Variants in PRKN observed in about 807,000 individuals in gnomAD.
The protein encoded by PRKN is parkin RBR E3 ubiquitin protein ligase, also known as E3 ubiquitin-protein ligase parkin.
Under a neutral mutation model 59.5 loss-of-function variants are expected in PRKN, and 56 were observed. That is an observed-to-expected ratio of 0.94 (90% CI 0.76 to 1.18). The LOEUF is 1.18. PRKN is among the 50% of genes most tolerant of loss of function. The probability of loss-of-function intolerance (pLI) is 0.00; values close to 1 mark genes in which losing one functional copy is unlikely to be tolerated. For missense variants in PRKN, 657 were observed against 596.4 expected, an observed-to-expected ratio of 1.10 and a Z score of -1.06; for synonymous variants, 250 against 222.1, an observed-to-expected ratio of 1.13 and a Z score of -1.12.
chr6:162,292,555 T>C (rs148189173), intron 2 of PRKN, among the ~76,000 whole-genome samples: 250 of 152,164 alleles, frequency 1.6e-3, no homozygotes, highest in African/African-American at 5.7e-3. Flanking sequence ...GCAGCCACAA[T>C]GGTCCAGGAT....
intron 10 of PRKN, among the ~76,000 whole-genome samples, chr6:161,367,495 G>A (rs2114882421): frequency 6.7e-6 from 1 of 150,328 alleles, no homozygotes; most frequent in Non-Finnish European, 1.5e-5. Context: ...CTGGTAGACA[G>A]TATGTGCTCA....
chr6:162,399,472 T>C (rs902899916), intron 2 of PRKN, among the ~76,000 whole-genome samples: 5 of 152,042 alleles, frequency 3.3e-5, no homozygotes, highest in Admixed American at 6.6e-5. Flanking sequence ...CCCCACCACA[T>C]ACAGGACACC....
intron 6 of PRKN, among the ~76,000 whole-genome samples, chr6:161,962,444 G>T (rs746405487): frequency 2.6e-5 from 4 of 151,778 alleles, no homozygotes; most frequent in African/African-American, 9.7e-5. Context: ...AAACACTGTG[G>T]GTATTTCTTT....
At chr6:162,340,092 C>T (rs1428131387) in intron 2 of PRKN, among the ~76,000 whole-genome samples, 1 of 147,272 alleles carries the variant, frequency 6.8e-6, no homozygotes, top group African/African-American at 2.5e-5. Flanking sequence ...TCCCATGACC[C>T]TGCCAAATCC....
At chr6:162,558,702 G>A (rs1583801626) in intron 1 of PRKN, among the ~76,000 whole-genome samples, 3 of 151,228 alleles carry the variant, frequency 2.0e-5, no homozygotes, top group Non-Finnish European at 2.9e-5. Flanking sequence ...GCAGTGGAGT[G>A]ATCTTAGCCC....
intron 7 of PRKN, among the ~76,000 whole-genome samples, chr6:161,580,772 C>A (rs556456140): frequency 1.3e-4 from 19 of 151,946 alleles, no homozygotes; most frequent in Non-Finnish European, 1.5e-5. Context: ...GCCACCGCAC[C>A]CAGCCCAAAA....
Position 161,410,811 on chromosome 6 carries a change from C to A in PRKN, c.1084-23934G>T, listed in dbSNP as rs553938453. On this transcript the variant is annotated intron_variant, in intron 9 of 11. Coordinates refer to ENST00000366898, the MANE Select transcript of PRKN (RefSeq NM_004562.3). This position sits in a 1 kb window ranked among gnomAD's most constrained non-coding sequence, Gnocchi z 5.3. ...TGATGGCAGCAGCCTCAGGTATGGG[C>A]AGAACGTTGAATCCTCAGAATGATA... 4.6e-5 allele frequency among the ~76,000 whole-genome samples: 7 copies of A among 152,146 alleles called. No individual in the cohort carries two copies. In the South Asian group the frequency reaches 1.5e-3, roughly 32 times the overall value.
intron 4 of PRKN, among the ~76,000 whole-genome samples, chr6:162,086,580 C>A (rs560875123): frequency 6.6e-6 from 1 of 152,242 alleles, no homozygotes; most frequent in African/African-American, 2.4e-5. Context: ...ACAGCCAGCC[C>A]AAATCAGGTA....
chr6:162,354,207 TAAC>T (rs1336611980), intron 2 of PRKN, among the ~76,000 whole-genome samples: 1 of 152,130 alleles, frequency 6.6e-6, no homozygotes, highest in African/African-American at 2.4e-5. Flanking sequence ...TTTAAAAACT[TAAC>T]AATAAAAGAA....
At chr6:162,333,061 T>G (rs1041793174) in intron 2 of PRKN, among the ~76,000 whole-genome samples, 7 of 152,156 alleles carry the variant, frequency 4.6e-5, no homozygotes, top group African/African-American at 1.7e-4. Flanking sequence ...GGACTTTATT[T>G]CCATAGTTTA....
intron 5 of PRKN, among the ~76,000 whole-genome samples, chr6:162,034,168 C>CATATATATAT (rs747375762): frequency 7.6e-6 from 1 of 132,128 alleles, no homozygotes; most frequent in African/African-American, 2.8e-5. Context: ...TGTACACATA[C>CATATATATAT]ATATATATAT....
intron 1 of PRKN, among the ~76,000 whole-genome samples, chr6:162,462,953 G>C (rs1791240963): frequency 6.6e-6 from 1 of 152,026 alleles, no homozygotes; most frequent in Non-Finnish European, 1.5e-5. Flanking sequence ...ACTTAGCTGG[G>C]TGTGGTAGTG....
intron 7 of PRKN, among the ~76,000 whole-genome samples, chr6:161,658,054 G>C (rs1416345871): frequency 1.7e-5 from 2 of 117,738 alleles, no homozygotes; most frequent in South Asian, 2.9e-4. Flanking sequence ...AGAAAAAAAC[G>C]GTGTGCCAGT....
rs762480638 is a variant in PRKN, at chr6:161,900,116, T to TAATAAAATAAAATAAAATAA, written c.734+73166_734+73185dup. On this transcript the variant is annotated intron_variant, in intron 6 of 11. Transcript: ENST00000366898. ...ACAGAGTGAGATTCTGACTCAAAAA[T>TAATAAAATAAAATAAAATAA]AATAAAATAAAATAAAATAAAATAA... is the stretch of plus-strand genomic sequence containing the variant. Among the ~76,000 whole-genome samples, 42 of 151,294 alleles carry TAATAAAATAAAATAAAATAA rather than the reference T, an allele frequency of 2.8e-4. 1 individual carries two copies. The highest frequency in any genetic ancestry group is 2.6e-3 in the East Asian group (13 of 5,074).
chr6:162,000,207 T>TA (rs543011784), intron 5 of PRKN, among the ~76,000 whole-genome samples: 293 of 152,192 alleles, frequency 1.9e-3, no homozygotes, highest in Non-Finnish European at 3.2e-3. Context: ...TTTAGTTTTG[T>TA]AAAAAACTGC....
chr6:162,350,371 G>A (rs190773941), intron 2 of PRKN, among the ~76,000 whole-genome samples: 11 of 152,182 alleles, frequency 7.2e-5, no homozygotes, highest in African/African-American at 2.6e-4. Context: ...AAATTTTATA[G>A]AGTAACACAA....
chr6:162,355,611 T>C (rs1246133571), intron 2 of PRKN, among the ~76,000 whole-genome samples: 1 of 151,936 alleles, frequency 6.6e-6, no homozygotes, highest in Non-Finnish European at 1.5e-5. Flanking sequence ...GAAAAGCCCA[T>C]TTCTTCAGCA....
intron 6 of PRKN, among the ~76,000 whole-genome samples, chr6:161,972,369 C>T (rs555228842): frequency 1.3e-5 from 2 of 151,758 alleles, no homozygotes; most frequent in South Asian, 2.1e-4. Flanking sequence ...GAACATGTAA[C>T]GAAGCTAATT....
At chr6:161,506,040 T>C (rs1204188672) in intron 9 of PRKN, among the ~76,000 whole-genome samples, 1 of 151,548 alleles carries the variant, frequency 6.6e-6, no homozygotes, top group African/African-American at 2.4e-5. Flanking sequence ...AACTTTAAAG[T>C]AGTTTTTTCC....
Sources: allele counts gnomAD v4.1 joint callset (sites outside exome capture counted in the v4.1 genomes callset), GRCh38; gene constraint gnomAD v4.1.1; non-coding constraint Gnocchi (gnomAD v3.1); transcripts MANE v1.5; gene names NCBI Gene and HGNC (gene_info 2026-07-23, HGNC 2026-07-21).